TFE3: variants seen among roughly 807,000 people sequenced by gnomAD.
The protein encoded by TFE3 is transcription factor binding to IGHM enhancer 3.
Under a neutral mutation model 35.0 loss-of-function variants are expected in TFE3, and 5 were observed. The ratio of observed to expected loss-of-function variants is 0.14; its 90% CI spans 0.07 to 0.30. The LOEUF is 0.30. Among genes scored for constraint, TFE3 ranks in the 10% least tolerant of loss-of-function variants. The pLI is 1.00. For missense variants in TFE3, 374 were observed against 496.6 expected, an observed-to-expected ratio of 0.75 and a Z score of 2.35; for synonymous variants, 211 against 215.6, an observed-to-expected ratio of 0.98 and a Z score of 0.18.
chrX:49,029,937 T>C lies in TFE3; in HGVS notation c.*221A>G, dbSNP rs782577298. 1.9e-6 allele frequency: 1 copy of C among 516,013 alleles called. No individual in the cohort carries two copies. The highest frequency in any genetic ancestry group is 3.5e-6 in the Non-Finnish European group (1 of 286,685). 42.5% of individuals were successfully genotyped at this position (516,013 alleles called of 1,213,427 possible). On this transcript the variant is annotated 3_prime_UTR_variant, in exon 10 of 10. Transcript: ENST00000315869. ...ATGTCCTTCTCCAGCCTTCTCCTTC[T>C]GAAATACCTGCACTGGGCGGTTCCT...
chrX:49,042,735 G>T (rs2064766329), intron 1 of TFE3, among the ~76,000 whole-genome samples: 1 of 111,346 alleles, frequency 9.0e-6, no homozygotes, highest in Non-Finnish European at 1.9e-5. Context: ...TCACCTGACA[G>T]TGTCCCCTCA....
At position 49,029,502 on chromosome X, in the gene TFE3, G is replaced by C. The variant is rs950014886; in HGVS notation, c.*656C>G. On this transcript the variant is annotated 3_prime_UTR_variant, in exon 10 of 10. Transcript: ENST00000315869. ...TGGTCCTACTGATTCTTTCACACCT[G>C]AAATACCTGTGCTGGGCTGTTCCTA... 13 of 272,611 alleles carry C rather than the reference G, an allele frequency of 4.8e-5. No homozygotes were observed. Among genetic ancestry groups the C allele is most frequent in the Non-Finnish European group, 7.5e-5 (11 of 146,132 alleles). The allele number at this position is 272,611 out of a possible 1,213,427, so 22.5% of individuals were successfully genotyped here.
intron 6 of TFE3, 59 bp from the exon 7 acceptor site, chrX:49,033,841 G>A: frequency 1.7e-6 from 2 of 1,154,197 alleles, no homozygotes; most frequent in Non-Finnish European, 1.2e-6. Flanking sequence ...AACACATGCA[G>A]ATACTAAGGT....
In TFE3 at chrX:49,031,479, T is replaced by C; in HGVS notation, c.1202A>G (p.Lys401Arg). The C allele has an allele frequency of 8.3e-7, 1 of 1,203,583 alleles. No homozygotes were observed. Among genetic ancestry groups the C allele is most frequent in the Non-Finnish European group, 1.1e-6 (1 of 891,257 alleles). The change falls in exon 9 of 10, where the codon AAG becomes AGG. Residue 401 changes from lysine (K) to arginine (R), a missense_variant. Transcript: ENST00000315869. ...CAGGTCTTTGGAGCGCTGCTGCTCC[T>C]TCTGCAGCTTGCGGATATAATCCAC... is the stretch of plus-strand genomic sequence containing the variant. ...ASVDYIRKLQ[K>R]EQQRSKDLES...
chrX:49,040,555 G>A lies in TFE3; in HGVS notation c.130C>T (p.Leu44Phe). ...SAQLLSLNSL[L>F]PESGIVADIE... ...TCAGCAACAATCCCGGATTCCGGAA[G>A]CAAAGAGTTCAGGCTGAGGGGGAGG... The change falls in exon 2 of 10, where the codon CTT becomes TTT. Residue 44 changes from leucine (L) to phenylalanine (F), a missense_variant. Coordinates refer to ENST00000315869, the MANE Select transcript of TFE3 (RefSeq NM_006521.6). The A allele has an allele frequency of 8.3e-7, 1 of 1,205,899 alleles. No homozygotes were observed.
chrX:49,032,763 C>T (rs1357297584), intron 8 of TFE3, among the ~76,000 whole-genome samples: 1 of 109,763 alleles, frequency 9.1e-6, no homozygotes, highest in Non-Finnish European at 1.9e-5. Context: ...CAACCTCCAC[C>T]TCCCGGGTTC....
At chrX:49,037,272 G>A (rs1010179589) in intron 5 of TFE3, among the ~76,000 whole-genome samples, 7 of 112,224 alleles carry the variant, frequency 6.2e-5, no homozygotes, top group African/African-American at 2.3e-4. Context: ...ACTCCAGCCA[G>A]GGTGACAGAG....
intron 5 of TFE3, among the ~76,000 whole-genome samples, chrX:49,036,980 T>C (rs1437080631): frequency 9.0e-6 from 1 of 111,428 alleles, no homozygotes; most frequent in Non-Finnish European, 1.9e-5. Flanking sequence ...CAACTACTTG[T>C]TATAACCCAC....
chrX:49,040,389 C>T, intron 2 of TFE3, 66 bp downstream of exon 2: 1 of 886,748 alleles, frequency 1.1e-6, no homozygotes, highest in African/African-American at 2.0e-5. Context: ...AGGGCCTCTG[C>T]CCATCAAGAG....
rs188693389 is a variant in TFE3 at position 49,037,333 on chromosome X, T to A, written c.885+677A>T. ...AAGGTAAAAATAAAATAAAACAAAA[T>A]GCTCCAATCATTACATGGTCTGGTG... is the stretch of plus-strand genomic sequence containing the variant. On this transcript the variant is annotated intron_variant, in intron 5 of 9. Transcript: ENST00000315869. Among the ~76,000 whole-genome samples, 408 of 110,499 alleles carry A rather than the reference T, an allele frequency of 3.7e-3. 1 individual carries two copies. The highest frequency in any genetic ancestry group is 6.2e-3 in the Non-Finnish European group (328 of 52,756).
chrX:49,037,819 T>G (rs1557074995), intron 5 of TFE3, 191 bp downstream of exon 5: 2 of 429,045 alleles, frequency 4.7e-6, no homozygotes, highest in Non-Finnish European at 8.1e-6. Flanking sequence ...GTCTACATGG[T>G]CCACCTCTCA....
rs782239289 is a variant in TFE3, at chrX:49,034,197, G to T, written c.940C>A (p.Pro314Thr). 2.2e-5 allele frequency: 27 copies of T among 1,207,359 alleles called. No individual in the cohort carries two copies. The highest frequency in any genetic ancestry group is 1.1e-6 in the Non-Finnish European group (1 of 893,771). The change falls in exon 6 of 10, where the codon CCA becomes ACA. Residue 314 changes from proline (P) to threonine (T), a missense_variant. Pro to Thr is a conservative substitution (Grantham distance 38). Transcript: ENST00000315869. ...CAGGAGTTGCTGACAGTGATGGCTG[G>T]TGTGGCCACGCCTTGACTACTGTAC... ...DVYSSQGVAT[P>T]AITVSNSCPA...
Position 49,031,416 on chromosome X carries a change from C to A in TFE3, c.1265G>T (p.Ser422Ile). The A allele has an allele frequency of 8.3e-7, 1 of 1,199,848 alleles. No homozygotes were observed. Among genetic ancestry groups the A allele is most frequent in the Admixed American group, 2.2e-5 (1 of 44,857 alleles). The change falls in exon 9 of 10, where the codon AGC becomes ATC. Residue 422 changes from serine to isoleucine, a missense_variant. By Grantham distance (142) the Ser-to-Ile change is moderately radical (BLOSUM62 -2). This residue lies in a region of TFE3 where 167 missense variants were observed against 297.2 expected (regional missense o/e 0.56). Coordinates refer to ENST00000315869, the MANE Select transcript of TFE3 (RefSeq NM_006521.6). ...RQRSLEQANR[S>I]LQLRIQELEL... ...TCAAACCTGAATTCGGAGCTGCAGG[C>A]TGCGGTTGGCCTGCTCCAGGGATCG...
intron 3 of TFE3, among the ~76,000 whole-genome samples, chrX:49,038,876 C>T (rs782393927): frequency 9.0e-6 from 1 of 111,230 alleles, no homozygotes; most frequent in Non-Finnish European, 1.9e-5. Flanking sequence ...CCATGGTCCA[C>T]CAAGACATCC....
intron 5 of TFE3, among the ~76,000 whole-genome samples, chrX:49,036,688 G>GT (rs1286392990): frequency 9.1e-6 from 1 of 110,349 alleles, no homozygotes; most frequent in African/African-American, 3.3e-5. Context: ...TGTAGTCCCA[G>GT]TTACTCAGGA....
At chrX:49,037,722 A>T (rs2147774943) in intron 5 of TFE3, 1 of 211,974 alleles carries the variant, frequency 4.7e-6, no homozygotes, top group Non-Finnish European at 8.4e-6. Context: ...AAAAAAGATT[A>T]TCATCTCTTG....
In TFE3 at chrX:49,033,379, C is replaced by T. The variant is rs2064710450; in HGVS notation, c.1136+86G>A. ...GGAGAAATGCCTGGGCCGAGACTGCCTGGTGAGCCCACCAAGGCACAATTT... is the reference window on the plus strand; with the variant it reads ...GGAGAAATGCCTGGGCCGAGACTGCTTGGTGAGCCCACCAAGGCACAATTT... On this transcript the variant is annotated intron_variant, in intron 8 of 9. Coordinates refer to ENST00000315869, the MANE Select transcript of TFE3 (RefSeq NM_006521.6). The T allele has an allele frequency of 5.5e-6, 5 of 906,184 alleles. No individual in the cohort carries two copies. In the South Asian group the frequency reaches 6.3e-5, roughly 11 times the overall value. 74.7% of individuals were successfully genotyped at this position (906,184 alleles called of 1,213,427 possible). A position where few individuals can be genotyped will look rare whatever the true frequency, so the allele number is the denominator to read the frequency against.
At chrX:49,035,322 A>AAAATAAAT (rs781998192) in intron 5 of TFE3, among the ~76,000 whole-genome samples, 17 of 83,460 alleles carry the variant, frequency 2.0e-4, no homozygotes, top group African/African-American at 4.5e-4. Context: ...ACTCTATCTC[A>AAAATAAAT]AAATAAATAA....
chrX:49,038,583 C>T lies in TFE3; in HGVS notation c.535-141G>A, dbSNP rs981020039. On this transcript the variant is annotated intron_variant, in intron 3 of 9. Coordinates refer to ENST00000315869, the MANE Select transcript of TFE3 (RefSeq NM_006521.6). ...ACAAGCTGGGCCCAGAATCTGAGAA[C>T]ACCCCAAAAATATTAGCGAGTCTCC... The T allele has an allele frequency of 5.1e-6, 4 of 788,438 alleles. No homozygotes were observed. The African/African-American group carries it at 6.5e-5, about 13-fold the overall frequency. The allele number at this position is 788,438 out of a possible 1,213,427, so 65.0% of individuals were successfully genotyped here.
Sources: gnomAD v4.1 joint callset for allele counts (sites outside exome capture counted in the v4.1 genomes callset) on GRCh38, gnomAD v4.1.1 for gene constraint, gnomAD v4.1.1 regional missense constraint, MANE v1.5 for transcripts, NCBI Gene and HGNC (gene_info 2026-07-23, HGNC 2026-07-21) for gene names.